The following LITAF variants were observed in gnomAD, a reference collection of about 807,000 sequenced individuals.
LITAF encodes lipopolysaccharide induced TNF factor, also known as lipopolysaccharide-induced tumor necrosis factor-alpha factor.
A neutral mutation model predicts 14.5 loss-of-function variants in LITAF; 9 were observed. The ratio of observed to expected loss-of-function variants is 0.62; its 90% CI spans 0.37 to 1.08. The LOEUF is 1.08. Among genes scored for constraint, LITAF ranks in the 50% least tolerant of loss-of-function variants. LITAF has a pLI of 0.01. For synonymous variants in LITAF, 98 were observed against 88.2 expected, an observed-to-expected ratio of 1.11 and a Z score of -0.62; for missense variants, 206 against 213.4, an observed-to-expected ratio of 0.97 and a Z score of 0.22.
At chr16:11,559,973 G>A (rs1169250692) in intron 1 of LITAF, among the ~76,000 whole-genome samples, 1 of 151,778 alleles carries the variant, frequency 6.6e-6, no homozygotes, top group Non-Finnish European at 1.5e-5. Context: ...GGGCGAGACT[G>A]TCTCAAAAAT....
chr16:11,564,279 C>A (rs942635517), intron 1 of LITAF, among the ~76,000 whole-genome samples: 8 of 151,996 alleles, frequency 5.3e-5, no homozygotes, highest in Non-Finnish European at 1.0e-4. Flanking sequence ...TCAGACCCAG[C>A]GATCATCCGT....
chr16:11,549,769 G>C lies in LITAF; in HGVS notation c.378-24C>G. The C allele has an allele frequency of 1.3e-6, 2 of 1,581,446 alleles. No homozygotes were observed. The highest frequency in any genetic ancestry group is 1.7e-6 in the Non-Finnish European group (2 of 1,155,344). Reference sequence around the variant, plus strand: ...ACCTGGGAGGAGAGAGAGACACACGGAGCGCGTTACTGATCACAACAGGGT... The same window carrying C: ...ACCTGGGAGGAGAGAGAGACACACGCAGCGCGTTACTGATCACAACAGGGT... On this transcript the variant is annotated intron_variant, in intron 3 of 3. Transcript: ENST00000622633. This position sits in a 1 kb window ranked among gnomAD's most constrained non-coding sequence, Gnocchi z 4.6.
intron 1 of LITAF, among the ~76,000 whole-genome samples, chr16:11,573,823 T>A (rs2064585795): frequency 6.8e-6 from 1 of 146,532 alleles, no homozygotes; most frequent in Non-Finnish European, 1.5e-5. Context: ...TACCTCAGCC[T>A]CCCAAATAGC....
chr16:11,612,183 C>T (rs576296133), intron 3 of LITAF, among the ~76,000 whole-genome samples: 25 of 152,306 alleles, frequency 1.6e-4, no homozygotes, highest in African/African-American at 5.1e-4. Flanking sequence ...CTGCCCACAC[C>T]GCCAAAGCTC....
In LITAF at chr16:11,549,609, C is replaced by A. The variant is rs1244713321; in HGVS notation, c.*28G>T. 3.2e-6 allele frequency: 5 copies of A among 1,560,026 alleles called. No homozygotes were observed. The highest frequency in any genetic ancestry group is 4.4e-6 in the Non-Finnish European group (5 of 1,135,358). On this transcript the variant is annotated 3_prime_UTR_variant, in exon 4 of 4. Coordinates refer to ENST00000622633, the MANE Select transcript of LITAF (RefSeq NM_001136472.2). This position sits in a 1 kb window ranked among gnomAD's most constrained non-coding sequence, Gnocchi z 4.6. ...GAGGTGGAAAGGACTTCCTGCGGCA[C>A]CCGGCTCCCTCCACGTCTGGCTGAG...
Position 11,630,058 on chromosome 16 carries a change from T to A in LITAF, c.85+3475A>T, listed in dbSNP as rs373438514. On this transcript the variant is annotated intron_variant, in intron 3 of 3. Coordinates refer to the LITAF transcript ENST00000574848. Reference sequence around the variant, plus strand: ...GGTGCTCAGCGCACTTCTATCTGGGTCAGGTTTTGCTCCTTCTCATCAAGT... The same window carrying A: ...GGTGCTCAGCGCACTTCTATCTGGGACAGGTTTTGCTCCTTCTCATCAAGT... Among the ~76,000 whole-genome samples, 5 of 152,180 alleles carry A rather than the reference T, an allele frequency of 3.3e-5. No individual in the cohort carries two copies. In the East Asian group the frequency reaches 5.8e-4, roughly 18 times the overall value.
chr16:11,607,730 T>C (rs1385423112), intron 3 of LITAF, among the ~76,000 whole-genome samples: 2 of 152,136 alleles, frequency 1.3e-5, no homozygotes, highest in Non-Finnish European at 2.9e-5. Flanking sequence ...TGAACAACCA[T>C]AACATCACCA....
At chr16:11,594,820 G>A (rs1033158194) in intron 1 of LITAF, among the ~76,000 whole-genome samples, 3 of 151,772 alleles carry the variant, frequency 2.0e-5, no homozygotes, top group Non-Finnish European at 4.4e-5. Flanking sequence ...AGGCTGCAGT[G>A]AGCCAAGATC....
rs1035096477 is a variant in LITAF at position 11,548,235 on chromosome 16, G to A, written c.*1402C>T. 8 of 453,870 alleles carry A rather than the reference G, an allele frequency of 1.8e-5. No individual in the cohort carries two copies. Among genetic ancestry groups the A allele is most frequent in the South Asian group, 3.1e-5 (2 of 64,472 alleles). The allele number at this position is 453,870 out of a possible 1,614,324, so 28.1% of individuals were successfully genotyped here. Reference sequence around the variant, plus strand: ...CCCTATTCTGAAGTATTATCAAAACGAGGACCCTTGAAGGTCGAGCCCAGC... The same window carrying A: ...CCCTATTCTGAAGTATTATCAAAACAAGGACCCTTGAAGGTCGAGCCCAGC... On this transcript the variant is annotated 3_prime_UTR_variant, in exon 4 of 4. Transcript: ENST00000622633.
intron 3 of LITAF, among the ~76,000 whole-genome samples, chr16:11,610,640 G>C (rs562151685): frequency 6.6e-6 from 1 of 152,246 alleles, no homozygotes; most frequent in East Asian, 1.9e-4. Flanking sequence ...CAGTAAATAA[G>C]AGGAAAAAAA....
chr16:11,587,742 T>C (rs2064822936), upstream of LITAF, among the ~76,000 whole-genome samples: 1 of 152,092 alleles, frequency 6.6e-6, no homozygotes, highest in Admixed American at 6.5e-5. Context: ...TGGAGCCCCA[T>C]CGGCCGGCTG....
intron 1 of LITAF, among the ~76,000 whole-genome samples, chr16:11,577,619 GA>G: frequency 6.6e-6 from 1 of 151,960 alleles, no homozygotes; most frequent in East Asian, 1.9e-4. Context: ...CACCTGGCCA[GA>G]AGTGTCTATT....
chr16:11,593,626 C>A (rs1429170727), intron 1 of LITAF, among the ~76,000 whole-genome samples: 1 of 152,146 alleles, frequency 6.6e-6, no homozygotes, highest in African/African-American at 2.4e-5. Context: ...TGTACTATAT[C>A]TCTACCAGGA....
At chr16:11,552,142 C>G (rs1033036798) in intron 3 of LITAF, among the ~76,000 whole-genome samples, 1 of 152,140 alleles carries the variant, frequency 6.6e-6, no homozygotes, top group Non-Finnish European at 1.5e-5. Flanking sequence ...CACCAAAGGA[C>G]AATGTGGAGG....
At chr16:11,568,683 G>GTTTTTT (rs757940935) in intron 1 of LITAF, among the ~76,000 whole-genome samples, 1 of 133,898 alleles carries the variant, frequency 7.5e-6, no homozygotes, top group Non-Finnish European at 1.6e-5. Context: ...GTTTTTTTTT[G>GTTTTTT]TTTTTTTTTT....
At chr16:11,628,967 C>T (rs2065102294) in intron 3 of LITAF, among the ~76,000 whole-genome samples, 1 of 152,204 alleles carries the variant, frequency 6.6e-6, no homozygotes, top group African/African-American at 2.4e-5. Context: ...TGAGCCATTG[C>T]TCCCAGCCTA....
chr16:11,560,295 T>A, intron 1 of LITAF, among the ~76,000 whole-genome samples: 1 of 151,078 alleles, frequency 6.6e-6, no homozygotes, highest in East Asian at 2.0e-4. Context: ...AGACTCTGTC[T>A]CAAAAATCAA....
chr16:11,609,209 CTT>C (rs1233293198), intron 3 of LITAF, among the ~76,000 whole-genome samples: 12 of 139,146 alleles, frequency 8.6e-5, no homozygotes, highest in Admixed American at 1.5e-4. Flanking sequence ...GAATAGTAGA[CTT>C]TTTTTTTTTT....
chr16:11,607,935 A>T (rs2064962946), intron 3 of LITAF, among the ~76,000 whole-genome samples: 1 of 152,178 alleles, frequency 6.6e-6, no homozygotes, highest in African/African-American at 2.4e-5. Context: ...CCTAGGACCA[A>T]ATTCCCTCCC....
Sources: allele counts gnomAD v4.1 joint callset (sites outside exome capture counted in the v4.1 genomes callset), GRCh38; gene constraint gnomAD v4.1.1; non-coding constraint Gnocchi (gnomAD v3.1); transcripts MANE v1.5; gene names NCBI Gene and HGNC (gene_info 2026-07-23, HGNC 2026-07-21).